The following L3MBTL4 variants were observed in gnomAD, a reference collection of about 807,000 sequenced individuals.
The protein encoded by L3MBTL4 is lethal(3)malignant brain tumor-like protein 4.
L3MBTL4 carries 70 observed loss-of-function variants against 84.5 expected under a neutral mutation model. The observed-to-expected ratio is 0.83, with a 90% CI of 0.68 to 1.01. The LOEUF (loss-of-function observed/expected upper bound fraction) is 1.01, where lower values mean the gene tolerates loss of function less well. Ranked by LOEUF, L3MBTL4 falls within the 50% of genes least tolerant of loss-of-function variation. The pLI is 0.00. For synonymous variants in L3MBTL4, 274 were observed against 259.8 expected, an observed-to-expected ratio of 1.05 and a Z score of -0.52; for missense variants, 715 against 754.8, an observed-to-expected ratio of 0.95 and a Z score of 0.62.
intron 10 of L3MBTL4, among the ~76,000 whole-genome samples, chr18:6,230,700 T>A (rs1322758151): frequency 6.6e-6 from 1 of 152,182 alleles, no homozygotes; most frequent in East Asian, 1.9e-4. Flanking sequence ...TAATTTACAT[T>A]CCCACCCGCA....
At position 6,414,651 on chromosome 18, in the gene L3MBTL4, C is replaced by G. The variant is rs1255062079; in HGVS notation, c.-91+150G>C. ...GGGCCGGGACCGGGGCTATCCCCAA[C>G]CGCCACCGCCCCCACCGGCCCGGCC... is the stretch of plus-strand genomic sequence containing the variant. On this transcript the variant is annotated intron_variant, in intron 1 of 18. Coordinates refer to ENST00000317931, the MANE Select transcript of L3MBTL4 (RefSeq NM_001330559.2). This position sits in a 1 kb window ranked among gnomAD's most constrained non-coding sequence, Gnocchi z 5.4. 3 of 152,086 alleles carry G rather than the reference C, an allele frequency of 2.0e-5. No individual in the cohort carries two copies. Among genetic ancestry groups the G allele is most frequent in the Non-Finnish European group, 4.4e-5 (3 of 68,054 alleles). The allele number at this position is 152,086 out of a possible 1,614,324, so 9.4% of individuals were successfully genotyped here.
chr18:6,096,562 T>C (rs2058650332), intron 14 of L3MBTL4, among the ~76,000 whole-genome samples: 1 of 152,202 alleles, frequency 6.6e-6, no homozygotes, highest in Non-Finnish European at 1.5e-5. Flanking sequence ...GCCTGCCTTC[T>C]TGCACACTCA....
intron 12 of L3MBTL4, among the ~76,000 whole-genome samples, chr18:6,199,122 C>A (rs1295872538): frequency 6.6e-6 from 1 of 152,170 alleles, no homozygotes; most frequent in Non-Finnish European, 1.5e-5. Context: ...CCTAAAGAGA[C>A]AAGTTGACAG....
chr18:6,172,390 ACAAT>A (rs994776956), intron 12 of L3MBTL4, among the ~76,000 whole-genome samples: 2 of 152,202 alleles, frequency 1.3e-5, no homozygotes, highest in African/African-American at 2.4e-5. Context: ...GTATAAAGAA[ACAAT>A]CAATCCCTAA....
chr18:6,379,443 G>A (rs2054507686), intron 1 of L3MBTL4, among the ~76,000 whole-genome samples: 1 of 152,130 alleles, frequency 6.6e-6, no homozygotes, highest in South Asian at 2.1e-4. Context: ...GTATGATATT[G>A]GCTGTGGGTT....
At chr18:6,157,597 T>C (rs1419445714) in intron 13 of L3MBTL4, among the ~76,000 whole-genome samples, 1 of 152,172 alleles carries the variant, frequency 6.6e-6, no homozygotes, top group East Asian at 1.9e-4. Context: ...ATACGTGCAG[T>C]ATATTAAATG....
intron 16 of L3MBTL4, among the ~76,000 whole-genome samples, chr18:6,066,159 T>G (rs1404331262): frequency 6.6e-6 from 1 of 152,126 alleles, no homozygotes; most frequent in South Asian, 2.1e-4. Context: ...TGTATTCGTA[T>G]AGTTTTGAGA....
At chr18:6,004,449 T>C (rs2145306997) in intron 16 of L3MBTL4, among the ~76,000 whole-genome samples, 1 of 152,284 alleles carries the variant, frequency 6.6e-6, no homozygotes, top group South Asian at 2.1e-4. Context: ...ACCAAATATT[T>C]AAAGAACTAT....
chr18:6,330,874 A>C (rs2051998902), intron 1 of L3MBTL4, among the ~76,000 whole-genome samples: 2 of 152,234 alleles, frequency 1.3e-5, no homozygotes, highest in African/African-American at 4.8e-5. Context: ...TAAACATTAA[A>C]ATACATTTTA....
At chr18:6,248,199 A>G (rs927515015) in intron 5 of L3MBTL4, among the ~76,000 whole-genome samples, 1 of 152,200 alleles carries the variant, frequency 6.6e-6, no homozygotes, top group Non-Finnish European at 1.5e-5. Context: ...CTCATTTAAC[A>G]AATCCTACAG....
rs56729114 is a variant in L3MBTL4, at chr18:5,960,132, G to A, written c.1639C>T (p.Leu547=). ...DEVAEFVQSL[L]GCEEHAKCFK... ...CACTTGGCATGCTCTTCACAGCCCAGAAGAGACTGTACAAACTCAGCCACC... is the reference window on the plus strand; with the variant it reads ...CACTTGGCATGCTCTTCACAGCCCAAAAGAGACTGTACAAACTCAGCCACC... The change falls in exon 18 of 19, where the codon CTG becomes TTG. Residue 547 remains leucine (L), a synonymous_variant. Coordinates refer to ENST00000317931, the MANE Select transcript of L3MBTL4 (RefSeq NM_001330559.2). 6.3e-7 allele frequency: 1 copy of A among 1,592,890 alleles called. No individual in the cohort carries two copies. Among genetic ancestry groups the A allele is most frequent in the African/African-American group, 1.3e-5 (1 of 74,124 alleles).
At chr18:6,317,372 T>C (rs1011452073) in intron 1 of L3MBTL4, among the ~76,000 whole-genome samples, 1 of 151,498 alleles carries the variant, frequency 6.6e-6, no homozygotes, top group Non-Finnish European at 1.5e-5. Flanking sequence ...AAGATATAAA[T>C]GAAAAATGTT....
chr18:6,157,020 C>A (rs763956438), intron 13 of L3MBTL4, among the ~76,000 whole-genome samples: 1 of 152,144 alleles, frequency 6.6e-6, no homozygotes, highest in Non-Finnish European at 1.5e-5. Flanking sequence ...AGCACTTCAA[C>A]AAGGAACATT....
intron 1 of L3MBTL4, among the ~76,000 whole-genome samples, chr18:6,334,366 G>C (rs187124865): frequency 1.3e-5 from 2 of 152,114 alleles, no homozygotes; most frequent in Non-Finnish European, 2.9e-5. Flanking sequence ...AGGGCACAAA[G>C]GGTGATACTC....
chr18:6,233,299 A>T (rs961764042), intron 10 of L3MBTL4, among the ~76,000 whole-genome samples: 1 of 150,102 alleles, frequency 6.7e-6, no homozygotes, highest in Non-Finnish European at 1.5e-5. Context: ...TATTCAACAT[A>T]GTGTTGGAAG....
intron 1 of L3MBTL4, chr18:6,374,442 T>G (rs951469659): frequency 6.5e-6 from 1 of 154,808 alleles, no homozygotes; most frequent in Non-Finnish European, 1.5e-5. Context: ...AAGGCAACAT[T>G]GAGGTCTACT....
chr18:6,015,308 C>T (rs767540885), intron 16 of L3MBTL4, among the ~76,000 whole-genome samples: 6 of 151,500 alleles, frequency 4.0e-5, no homozygotes, highest in Non-Finnish European at 2.9e-5. Flanking sequence ...GAAGAAGGGG[C>T]GGTTATGTGG....
chr18:6,361,671 C>G (rs2053700416), intron 1 of L3MBTL4, among the ~76,000 whole-genome samples: 1 of 152,170 alleles, frequency 6.6e-6, no homozygotes, highest in Non-Finnish European at 1.5e-5. Context: ...AAGAGACAGT[C>G]CTGGACAGTG....
intron 1 of L3MBTL4, among the ~76,000 whole-genome samples, chr18:6,404,503 G>C (rs898164783): frequency 6.6e-6 from 1 of 152,118 alleles, no homozygotes; most frequent in African/African-American, 2.4e-5. Context: ...TTTTTAGTCC[G>C]AGAAGCTCTT....
Sources: gnomAD v4.1 joint callset for allele counts (sites outside exome capture counted in the v4.1 genomes callset) on GRCh38, gnomAD v4.1.1 for gene constraint, Gnocchi (gnomAD v3.1) non-coding constraint, MANE v1.5 for transcripts, NCBI Gene and HGNC (gene_info 2026-07-23, HGNC 2026-07-21) for gene names.